DPP6: variants seen among roughly 807,000 people sequenced by gnomAD.
DPP6 encodes the protein dipeptidyl peptidase like 6, also known as A-type potassium channel modulatory protein DPP6.
A neutral mutation model predicts 122.6 loss-of-function variants in DPP6; 69 were observed. The ratio of observed to expected loss-of-function variants is 0.56; its 90% CI spans 0.46 to 0.69. The LOEUF (loss-of-function observed/expected upper bound fraction) is 0.69. Among genes scored for constraint, DPP6 ranks in the 30% least tolerant of loss-of-function variants. The pLI is 0.00. For missense variants in DPP6, 928 were observed against 1,116.9 expected, an observed-to-expected ratio of 0.83 and a Z score of 2.41; for synonymous variants, 418 against 433.1, an observed-to-expected ratio of 0.97 and a Z score of 0.43.
chr7:154,839,760 C>T (rs1238406077), intron 16 of DPP6, among the ~76,000 whole-genome samples: 1 of 151,976 alleles, frequency 6.6e-6, no homozygotes, highest in Non-Finnish European at 1.5e-5. Flanking sequence ...CAGCACAGCC[C>T]CCACGCAGGA....
At chr7:153,766,405 G>A in the DPP6 span, among the ~76,000 whole-genome samples, 2 of 152,042 alleles carry the variant, frequency 1.3e-5, no homozygotes, top group East Asian at 3.9e-4. Context: ...TCTATTTCTA[G>A]ATATATTTTA....
At chr7:153,960,718 C>CGTGTGT (rs57286253) in intron 1 of DPP6, among the ~76,000 whole-genome samples, 50 of 147,340 alleles carry the variant, frequency 3.4e-4, no homozygotes, top group African/African-American at 8.8e-4. Context: ...TGTGTGCATG[C>CGTGTGT]GTGTGTGTGT....
At chr7:153,899,048 A>G (rs1412611432) in intron 1 of DPP6, among the ~76,000 whole-genome samples, 1 of 152,188 alleles carries the variant, frequency 6.6e-6, no homozygotes, top group Non-Finnish European at 1.5e-5. Flanking sequence ...CCACACACAA[A>G]TTAAGGGTGA....
At chr7:154,735,655 G>A (rs1053259591) in intron 8 of DPP6, among the ~76,000 whole-genome samples, 1 of 152,218 alleles carries the variant, frequency 6.6e-6, no homozygotes, top group Admixed American at 6.5e-5. Context: ...AGAGAGACAA[G>A]GAGGAAAAGC....
chr7:153,900,684 C>T (rs1799607657), intron 1 of DPP6, among the ~76,000 whole-genome samples: 1 of 152,154 alleles, frequency 6.6e-6, no homozygotes, highest in African/African-American at 2.4e-5. Context: ...TCAGTAGATT[C>T]CACCTCCACC....
chr7:154,006,188 C>A (rs2533549), intron 1 of DPP6, among the ~76,000 whole-genome samples: 1 of 152,198 alleles, frequency 6.6e-6, no homozygotes, highest in African/African-American at 2.4e-5. Context: ...GCCCTATAAT[C>A]ATCCGTGGCA....
At chr7:154,291,674 C>A (rs1805220754) in intron 1 of DPP6, among the ~76,000 whole-genome samples, 1 of 152,192 alleles carries the variant, frequency 6.6e-6, no homozygotes, top group Non-Finnish European at 1.5e-5. Context: ...ATAAGATTGA[C>A]CTGACTCATT....
At chr7:154,315,433 A>G (rs1807349417) in intron 1 of DPP6, among the ~76,000 whole-genome samples, 1 of 152,134 alleles carries the variant, frequency 6.6e-6, no homozygotes, top group Admixed American at 6.5e-5. Context: ...TGCTTGCCAG[A>G]AAAATCCCTA....
intron 7 of DPP6, among the ~76,000 whole-genome samples, chr7:154,703,869 G>A (rs957785202): frequency 4.6e-5 from 7 of 151,896 alleles, no homozygotes; most frequent in Admixed American, 3.9e-4. Context: ...CCTGGGAGGC[G>A]GAGCTTGCAG....
At chr7:154,645,455 C>T (rs983098683) in intron 6 of DPP6, among the ~76,000 whole-genome samples, 6 of 152,148 alleles carry the variant, frequency 3.9e-5, no homozygotes, top group African/African-American at 1.4e-4. Context: ...CTCCCCTTCT[C>T]CCTTCCCCTC....
intron 1 of DPP6, among the ~76,000 whole-genome samples, chr7:154,332,180 T>C (rs1809005022): frequency 6.6e-6 from 1 of 151,898 alleles, no homozygotes; most frequent in Non-Finnish European, 1.5e-5. Flanking sequence ...CAAGTGATTC[T>C]CCTGCCTCAG....
intron 5 of DPP6, among the ~76,000 whole-genome samples, chr7:154,580,273 T>C (rs1831975650): frequency 6.6e-6 from 1 of 150,766 alleles, no homozygotes; most frequent in African/African-American, 2.4e-5. Flanking sequence ...ACACACACAT[T>C]CATTGCTCTT....
At chr7:153,756,677 GTAAATA>G in the DPP6 span, among the ~76,000 whole-genome samples, 1 of 151,924 alleles carries the variant, frequency 6.6e-6, no homozygotes. Context: ...GAGTACCCGT[GTAAATA>G]TAAATAAATA....
intron 1 of DPP6, among the ~76,000 whole-genome samples, chr7:154,064,441 T>C (rs1802538767): frequency 6.6e-6 from 1 of 152,204 alleles, no homozygotes; most frequent in Non-Finnish European, 1.5e-5. Flanking sequence ...TGGTCAGTTT[T>C]CTTTCAGCTC....
chr7:154,166,590 T>A (rs1222766289), intron 1 of DPP6, among the ~76,000 whole-genome samples: 8 of 149,164 alleles, frequency 5.4e-5, no homozygotes, highest in Non-Finnish European at 8.8e-5. Flanking sequence ...AAAACCCCAG[T>A]GTGGGAGCAC....
intron 1 of DPP6, among the ~76,000 whole-genome samples, chr7:153,899,928 ACT>A (rs1484869524): frequency 6.6e-6 from 1 of 152,180 alleles, no homozygotes; most frequent in Non-Finnish European, 1.5e-5. Flanking sequence ...CTTGATGTTG[ACT>A]CTCAGTTTGA....
intron 5 of DPP6, among the ~76,000 whole-genome samples, chr7:154,580,978 T>C (rs1832026466): frequency 6.6e-6 from 1 of 152,214 alleles, no homozygotes; most frequent in African/African-American, 2.4e-5. Flanking sequence ...ACCTTCCTAA[T>C]GTGACCTCAG....
intron 1 of DPP6, among the ~76,000 whole-genome samples, chr7:154,379,162 C>A (rs553072765): frequency 6.6e-6 from 1 of 152,286 alleles, no homozygotes; most frequent in East Asian, 1.9e-4. Context: ...AATTACAACT[C>A]GGTTCCAAGA....
intron 1 of DPP6, among the ~76,000 whole-genome samples, chr7:154,061,816 G>T (rs530096272): frequency 2.4e-4 from 32 of 131,910 alleles, no homozygotes; most frequent in African/African-American, 8.6e-4. Flanking sequence ...CTGAGAGCGA[G>T]CCCCTCTTCC....
Sources: gnomAD v4.1 joint callset for allele counts (sites outside exome capture counted in the v4.1 genomes callset) on GRCh38, gnomAD v4.1.1 for gene constraint, MANE v1.5 for transcripts, NCBI Gene and HGNC (gene_info 2026-07-23, HGNC 2026-07-21) for gene names.